Variants in BBS12 observed in about 807,000 individuals in gnomAD.
BBS12 encodes the protein Bardet-Biedl syndrome 12, also known as chaperonin-containing T-complex member BBS12.
A neutral mutation model predicts 5.6 loss-of-function variants in BBS12; 5 were observed. That is an observed-to-expected ratio of 0.89 (90% confidence interval 0.46 to 1.86). The LOEUF (loss-of-function observed/expected upper bound fraction) is 1.86, where lower values mean the gene tolerates loss of function less well. BBS12 is among the 40% of genes most tolerant of loss of function. The pLI is 0.01. For missense variants in BBS12, 748 were observed against 830.4 expected (o/e 0.90, Z 1.22); for synonymous variants, 308 against 306.8 (o/e 1.00, Z -0.04).
At chr4:122,716,672 TG>T in the BBS12 span, among the ~76,000 whole-genome samples, 1 of 82,464 alleles carries the variant, frequency 1.2e-5, no homozygotes, top group African/African-American at 4.4e-5. Context: ...TACACATATG[TG>T]TATATATACA....
In BBS12 at chr4:122,743,983, A is replaced by C; in HGVS notation, c.2091A>C (p.Thr697=). 2 of 1,614,104 alleles carry C rather than the reference A, an allele frequency of 1.2e-6. No homozygotes were observed. Among genetic ancestry groups the C allele is most frequent in the Non-Finnish European group, 1.7e-6 (2 of 1,179,958 alleles). Residue 697 remains threonine, a synonymous_variant, in exon 2 of 2, where the codon ACA becomes ACC. Coordinates refer to ENST00000314218, the MANE Select transcript of BBS12 (RefSeq NM_152618.3). ...DSEIITGHGH[T]QINSQELTGF... ...AAATAATTACTGGACATGGACACAC[A>C]CAGATAAATTCACAGGAATTAACGG...
the BBS12 span, among the ~76,000 whole-genome samples, chr4:122,715,901 C>G: frequency 6.6e-6 from 1 of 152,146 alleles, no homozygotes; most frequent in Admixed American, 6.5e-5. Context: ...TTTTCCCAAA[C>G]TGACTTTTAT....
At chr4:122,727,237 T>A in the BBS12 span, among the ~76,000 whole-genome samples, 3 of 152,068 alleles carry the variant, frequency 2.0e-5, no homozygotes, top group Admixed American at 6.6e-5. Context: ...TACAAACCAG[T>A]GATTTTTTTT....
intron 1 of BBS12, among the ~76,000 whole-genome samples, chr4:122,741,519 G>C (rs1800872296): frequency 1.3e-5 from 2 of 152,114 alleles, no homozygotes; most frequent in Admixed American, 1.3e-4. Context: ...CATAAAACCA[G>C]GCTACTTCTA....
upstream of BBS12, chr4:122,731,837 G>C (rs984460430): frequency 1.0e-3 from 154 of 152,298 alleles, 1 homozygote; most frequent in Admixed American, 1.0e-2. Flanking sequence ...GTGCCATCAT[G>C]TACATCACTG....
the BBS12 span, among the ~76,000 whole-genome samples, chr4:122,724,067 C>T: frequency 6.6e-6 from 1 of 152,144 alleles, no homozygotes; most frequent in African/African-American, 2.4e-5. Flanking sequence ...GAGAAGTTAA[C>T]ACAAGTCTCA....
At chr4:122,735,492 G>A (rs1481674704) in intron 1 of BBS12, among the ~76,000 whole-genome samples, 1 of 152,158 alleles carries the variant, frequency 6.6e-6, no homozygotes, top group Non-Finnish European at 1.5e-5. Flanking sequence ...ACCACCATAT[G>A]AAGGAGGAAC....
In BBS12 at chr4:122,742,657, T is replaced by C. The variant is rs185341959; in HGVS notation, c.765T>C (p.His255=). The C allele has an allele frequency of 5.0e-6, 8 of 1,614,228 alleles. No individual in the cohort carries two copies. The African/African-American group carries it at 6.7e-5, about 13-fold the overall frequency. ...GVSKPDGFQE[H]VTATHKTYRC... ...GCAAACCAGATGGATTTCAAGAACA[T>C]GTTACAGCTACTCACAAAACTTACA... Residue 255 remains histidine (H), a synonymous_variant, in exon 2 of 2, where the codon CAT becomes CAC. Transcript: ENST00000314218.
chr4:122,709,129 C>T, the BBS12 span, among the ~76,000 whole-genome samples: 40 of 151,930 alleles, frequency 2.6e-4, no homozygotes, highest in Middle Eastern at 6.8e-3. Context: ...AACATAGGGA[C>T]GATATTACAA....
the BBS12 span, among the ~76,000 whole-genome samples, chr4:122,706,680 C>T: frequency 6.6e-6 from 1 of 152,150 alleles, no homozygotes; most frequent in Admixed American, 6.5e-5. Context: ...TTGAATGCAA[C>T]CTTCTTTCAT....
At position 122,743,002 on chromosome 4, in the gene BBS12, G is replaced by A; in HGVS notation, c.1110G>A (p.Leu370=). ...EGDLTENYRH[L]GFNKSANIKT... is the part of the protein sequence containing the mutation. Reference sequence around the variant, plus strand: ...ACCTCACAGAGAATTACCGCCACCTGGGATTTAATAAGTCTGCAAATATTA... The same window carrying A: ...ACCTCACAGAGAATTACCGCCACCTAGGATTTAATAAGTCTGCAAATATTA... Residue 370 remains leucine (L), a synonymous_variant, in exon 2 of 2, where the codon CTG becomes CTA. Coordinates refer to ENST00000314218, the MANE Select transcript of BBS12 (RefSeq NM_152618.3). 6.2e-7 allele frequency: 1 copy of A among 1,614,204 alleles called. No individual in the cohort carries two copies. Among genetic ancestry groups the A allele is most frequent in the Middle Eastern group, 1.6e-4 (1 of 6,062 alleles).
chr4:122,724,347 CT>C, the BBS12 span, among the ~76,000 whole-genome samples: 1 of 152,116 alleles, frequency 6.6e-6, no homozygotes, highest in Non-Finnish European at 1.5e-5. Context: ...GAATAAAAGC[CT>C]CTTAAATTGT....
the BBS12 span, among the ~76,000 whole-genome samples, chr4:122,706,859 G>T: frequency 6.6e-6 from 1 of 152,068 alleles, no homozygotes; most frequent in Non-Finnish European, 1.5e-5. Context: ...TTCCATAAAC[G>T]TGCATTAACT....
chr4:122,700,878 C>T, the BBS12 span, among the ~76,000 whole-genome samples: 1 of 152,164 alleles, frequency 6.6e-6, no homozygotes, highest in Non-Finnish European at 1.5e-5. Context: ...AATGATTGAA[C>T]TACTTCTTCC....
the BBS12 span, among the ~76,000 whole-genome samples, chr4:122,707,972 C>CCTTT: frequency 1.9e-3 from 236 of 124,702 alleles, no homozygotes; most frequent in Middle Eastern, 8.3e-3. Context: ...TTCCTTCCTT[C>CCTTT]CTTTCTTTCT....
the BBS12 span, among the ~76,000 whole-genome samples, chr4:122,714,159 G>A: frequency 6.6e-6 from 1 of 152,036 alleles, no homozygotes; most frequent in African/African-American, 2.4e-5. Flanking sequence ...GTCTTTCTAA[G>A]AAGAGAAAAA....
the BBS12 span, among the ~76,000 whole-genome samples, chr4:122,713,843 A>G: frequency 5.3e-5 from 8 of 152,164 alleles, no homozygotes; most frequent in Non-Finnish European, 1.2e-4. Context: ...ACCCTTTTTC[A>G]TTTGGGATTT....
the BBS12 span, among the ~76,000 whole-genome samples, chr4:122,724,206 C>T: frequency 6.6e-6 from 1 of 152,166 alleles, no homozygotes; most frequent in Non-Finnish European, 1.5e-5. Flanking sequence ...TCCTCTGCTT[C>T]AGGGTCTCTC....
At chr4:122,733,404 CACACACACACACACACACACAT>C (rs1800733723) in intron 1 of BBS12, among the ~76,000 whole-genome samples, 1 of 149,556 alleles carries the variant, frequency 6.7e-6, no homozygotes, top group Non-Finnish European at 1.5e-5. Context: ...CACACACACA[CACACACACACACACACACACAT>C]CCAGCCATTT....
Sources: allele counts gnomAD v4.1 joint callset (sites outside exome capture counted in the v4.1 genomes callset), GRCh38; gene constraint gnomAD v4.1.1; transcripts MANE v1.5; gene names NCBI Gene and HGNC (gene_info 2026-07-23, HGNC 2026-07-21).